The following CFAP77 variants were observed in gnomAD, a reference collection of about 807,000 sequenced individuals.
The protein encoded by CFAP77 is cilia and flagella associated protein 77, also known as cilia- and flagella-associated protein 77.
In CFAP77, 25 loss-of-function variants were observed where a neutral mutation model predicts 31.1. That is an observed-to-expected ratio of 0.80 (90% CI 0.59 to 1.12). The LOEUF (loss-of-function observed/expected upper bound fraction) is 1.12. CFAP77 is among the 50% of genes most tolerant of loss of function. The pLI, the probability that CFAP77 is intolerant of heterozygous loss-of-function variation, is 0.00. For synonymous variants in CFAP77, 151 were observed against 159.9 expected (o/e 0.94, Z 0.42); for missense variants, 377 against 397.3 (o/e 0.95, Z 0.44).
rs780089720 is a variant in CFAP77 at position 132,410,227 on chromosome 9, C to G, written c.-45C>G. ...CCAGGCTGTGCCCGACGTGGGGAAG[C>G]GCGCCCAAACCAGCCCGCGGGCCGG... On this transcript the variant is annotated 5_prime_UTR_variant, in exon 1 of 6. Transcript: ENST00000393216. The G allele has an allele frequency of 1.3e-6, 2 of 1,491,364 alleles. No individual in the cohort carries two copies. The highest frequency in any genetic ancestry group is 1.8e-6 in the Non-Finnish European group (2 of 1,118,694). The allele number at this position is 1,491,364 out of a possible 1,614,324, so 92.4% of individuals were successfully genotyped here.
At position 132,455,494 on chromosome 9, in the gene CFAP77, C is replaced by T. The variant is rs1469554582; in HGVS notation, c.196-43201C>T. 3.3e-5 allele frequency among the ~76,000 whole-genome samples: 5 copies of T among 149,710 alleles called. No individual in the cohort carries two copies. Among genetic ancestry groups the T allele is most frequent in the Admixed American group, 2.0e-4 (3 of 14,964 alleles). ...CTGTACTCTAGCCTGGGTGGCAGAG[C>T]GAGACTCCTGAAAAAAAAAAACAAA... On this transcript the variant is annotated intron_variant, in intron 1 of 5. Coordinates refer to ENST00000393216, the MANE Select transcript of CFAP77 (RefSeq NM_001282957.2). This position sits in a 1 kb window ranked among gnomAD's most constrained non-coding sequence, Gnocchi z 4.1.
intron 1 of CFAP77, among the ~76,000 whole-genome samples, chr9:132,449,678 T>C (rs1564207960): frequency 1.3e-5 from 2 of 152,240 alleles, no homozygotes; most frequent in African/African-American, 2.4e-5. Context: ...TATTTTCATT[T>C]ATCTTGGGCA....
intron 3 of CFAP77, among the ~76,000 whole-genome samples, chr9:132,502,302 CTT>C (rs1157963771): frequency 1.4e-5 from 2 of 147,150 alleles, no homozygotes; most frequent in Non-Finnish European, 3.0e-5. Context: ...GTAGTTCCTT[CTT>C]TATTTTTTAT....
At chr9:132,423,117 T>C (rs1316933086) in intron 1 of CFAP77, among the ~76,000 whole-genome samples, 1 of 152,192 alleles carries the variant, frequency 6.6e-6, no homozygotes, top group Non-Finnish European at 1.5e-5. Flanking sequence ...ACTGAAGATT[T>C]TTCTGTCTTT....
chr9:132,568,400 C>T (rs1396036057), intron 5 of CFAP77, among the ~76,000 whole-genome samples: 1 of 151,614 alleles, frequency 6.6e-6, no homozygotes. Flanking sequence ...ACTAAAAATA[C>T]AAAAAATTAG....
intron 1 of CFAP77, among the ~76,000 whole-genome samples, chr9:132,431,107 A>G (rs1850403076): frequency 6.6e-6 from 1 of 152,206 alleles, no homozygotes; most frequent in African/African-American, 2.4e-5. Context: ...GGGAAGTCCA[A>G]ATTCAGGGTC....
intron 3 of CFAP77, among the ~76,000 whole-genome samples, chr9:132,513,648 C>A (rs1182286977): frequency 6.6e-6 from 1 of 152,234 alleles, no homozygotes; most frequent in African/African-American, 2.4e-5. Flanking sequence ...TCTGAATCGT[C>A]CGCCACAGGT....
intron 3 of CFAP77, among the ~76,000 whole-genome samples, chr9:132,535,148 A>C (rs1852522050): frequency 6.6e-6 from 1 of 152,240 alleles, no homozygotes; most frequent in Non-Finnish European, 1.5e-5. Flanking sequence ...ATCAAGAGGA[A>C]AACTAATGAG....
At chr9:132,432,554 A>C (rs987721055) in intron 1 of CFAP77, among the ~76,000 whole-genome samples, 1 of 143,844 alleles carries the variant, frequency 7.0e-6, no homozygotes, top group Non-Finnish European at 1.5e-5. Flanking sequence ...TTTTTTTAAG[A>C]TGGAGCTTGC....
rs565604481 is a variant in CFAP77, at chr9:132,518,424, G to A, written c.524+18824G>A. 1.1e-4 allele frequency among the ~76,000 whole-genome samples: 16 copies of A among 152,240 alleles called. No homozygotes were observed. In the South Asian group the frequency reaches 2.5e-3, roughly 24 times the overall value. On this transcript the variant is annotated intron_variant, in intron 3 of 5. Transcript: ENST00000393216. ...AAAAGCCTCAGGGCCAGGGGAACCCGGATTCGGATCCTGGCTCTCCTGTCT... is the reference window on the plus strand; with the variant it reads ...AAAAGCCTCAGGGCCAGGGGAACCCAGATTCGGATCCTGGCTCTCCTGTCT...
In CFAP77 at chr9:132,499,831, T is replaced by A. The variant is rs998984472; in HGVS notation, c.524+231T>A. Among the ~76,000 whole-genome samples the A allele has an allele frequency of 1.3e-5, 2 of 152,124 alleles. No individual in the cohort carries two copies. The highest frequency in any genetic ancestry group is 6.5e-5 in the Admixed American group (1 of 15,280). On this transcript the variant is annotated intron_variant, in intron 3 of 5. Coordinates refer to ENST00000393216, the MANE Select transcript of CFAP77 (RefSeq NM_001282957.2). The surrounding 1 kb of genome is among the most constrained non-coding windows in gnomAD (Gnocchi z 5.4). ...AGGGCTGTGCACAGGTCACCCACTTTCCCTTGATCAACAAACAGTGATTGA... is the reference window on the plus strand; with the variant it reads ...AGGGCTGTGCACAGGTCACCCACTTACCCTTGATCAACAAACAGTGATTGA...
chr9:132,437,924 C>T (rs1198041816), intron 1 of CFAP77, among the ~76,000 whole-genome samples: 1 of 151,426 alleles, frequency 6.6e-6, no homozygotes, highest in Non-Finnish European at 1.5e-5. Context: ...AAAAGTGAGA[C>T]ATTGGCCAGG....
At chr9:132,560,161 T>G (rs184255488) in intron 5 of CFAP77, among the ~76,000 whole-genome samples, 7 of 152,320 alleles carry the variant, frequency 4.6e-5, no homozygotes, top group Admixed American at 2.0e-4. Flanking sequence ...GTATGTGAAT[T>G]ATATCTCAAT....
At chr9:132,433,421 A>G (rs1457232289) in intron 1 of CFAP77, among the ~76,000 whole-genome samples, 2 of 152,054 alleles carry the variant, frequency 1.3e-5, no homozygotes, top group Non-Finnish European at 2.9e-5. Flanking sequence ...TCTCACCTCT[A>G]TGACAAAGGA....
Position 132,498,608 on chromosome 9 carries a change from C to A in CFAP77, c.196-87C>A. 1 of 996,824 alleles carries A rather than the reference C, an allele frequency of 1.0e-6. No homozygotes were observed. The highest frequency in any genetic ancestry group is 1.5e-6 in the Non-Finnish European group (1 of 652,400). The allele number at this position is 996,824 out of a possible 1,614,324, so 61.7% of individuals were successfully genotyped here. ...CGGCAGGGCCTGGGGGAAATGCAGG[C>A]ATCTGGTGCCTCCCTGCTGCCGGAT... On this transcript the variant is annotated intron_variant, in intron 1 of 5. Coordinates refer to ENST00000393216, the MANE Select transcript of CFAP77 (RefSeq NM_001282957.2). This position sits in a 1 kb window ranked among gnomAD's most constrained non-coding sequence, Gnocchi z 4.2.
intron 1 of CFAP77, among the ~76,000 whole-genome samples, chr9:132,428,783 G>A (rs1850356660): frequency 6.6e-6 from 1 of 150,878 alleles, no homozygotes; most frequent in Non-Finnish European, 1.5e-5. Flanking sequence ...AGGTCCCAAG[G>A]CCTTCAGGGC....
chr9:132,500,716 G>T (rs542974111), intron 3 of CFAP77, among the ~76,000 whole-genome samples: 10 of 152,254 alleles, frequency 6.6e-5, no homozygotes, highest in African/African-American at 2.4e-4. Context: ...AGAAATGACT[G>T]CCTGGTGGCC....
intron 5 of CFAP77, among the ~76,000 whole-genome samples, chr9:132,568,830 G>T (rs1829920835): frequency 6.6e-6 from 1 of 152,026 alleles, no homozygotes; most frequent in South Asian, 2.1e-4. Flanking sequence ...CTCCCAAGTA[G>T]CTGGGACTAT....
At chr9:132,452,009 A>G (rs956075466) in intron 1 of CFAP77, among the ~76,000 whole-genome samples, 2 of 151,880 alleles carry the variant, frequency 1.3e-5, no homozygotes, top group African/African-American at 4.8e-5. Context: ...TTTCACTGTT[A>G]GCCAGGGTGG....
Sources: gnomAD v4.1 joint callset for allele counts (sites outside exome capture counted in the v4.1 genomes callset) on GRCh38, gnomAD v4.1.1 for gene constraint, Gnocchi (gnomAD v3.1) non-coding constraint, MANE v1.5 for transcripts, NCBI Gene and HGNC (gene_info 2026-07-23, HGNC 2026-07-21) for gene names.